VPS13B: variants seen among roughly 807,000 people sequenced by gnomAD.
VPS13B encodes intermembrane lipid transfer protein VPS13B.
A neutral mutation model predicts 426.4 loss-of-function variants in VPS13B; 285 were observed. The observed-to-expected ratio is 0.67, with a 90% confidence interval of 0.61 to 0.74. The LOEUF is 0.74. Ranked by LOEUF, VPS13B falls within the 30% of genes least tolerant of loss-of-function variation. VPS13B has a pLI of 0.00. For missense variants in VPS13B, 4,537 were observed against 4,782.6 expected (o/e 0.95, Z 1.51); for synonymous variants, 1,676 against 1,676.4 (o/e 1.00, Z 0.01).
chr8:99,393,117 A>G (rs555952435), intron 21 of VPS13B, among the ~76,000 whole-genome samples: 25 of 152,246 alleles, frequency 1.6e-4, no homozygotes, highest in African/African-American at 5.1e-4. Flanking sequence ...CATGTAAACC[A>G]TATATTTAAA....
rs537523126 is a variant in VPS13B at position 99,065,261 on chromosome 8, C to T, written c.291+26695C>T. Among the ~76,000 whole-genome samples, 11 of 152,288 alleles carry T rather than the reference C, an allele frequency of 7.2e-5. No individual in the cohort carries two copies. The South Asian group carries it at 1.0e-3, about 14-fold the overall frequency. On this transcript the variant is annotated intron_variant, in intron 3 of 61. Transcript: ENST00000357162. The stretch of plus-strand genomic sequence containing the variant: ...GAATGAACATTGATGCGAAAATCCT[C>T]AGTAAAATACTGGCAAACCAAATCC...
At chr8:99,137,807 C>T (rs1403565243) in intron 12 of VPS13B, among the ~76,000 whole-genome samples, 4 of 152,146 alleles carry the variant, frequency 2.6e-5, no homozygotes, top group African/African-American at 9.7e-5. Context: ...CCAAAGTTCT[C>T]TAAGATTCAG....
chr8:99,542,720 C>T (rs1203403619), intron 30 of VPS13B, among the ~76,000 whole-genome samples: 5 of 152,072 alleles, frequency 3.3e-5, no homozygotes, highest in Admixed American at 1.3e-4. Context: ...GTGCCAAGTA[C>T]ATAGTAAGTG....
chr8:99,345,729 G>A (rs1811501067), intron 19 of VPS13B, among the ~76,000 whole-genome samples: 1 of 152,208 alleles, frequency 6.6e-6, no homozygotes, highest in South Asian at 2.1e-4. Context: ...TAATGAGGCA[G>A]GAGAAAAAGT....
At position 99,054,121 on chromosome 8, in the gene VPS13B, A is replaced by C. The variant is rs992241931; in HGVS notation, c.291+15555A>C. Among the ~76,000 whole-genome samples the C allele has an allele frequency of 3.3e-5, 5 of 152,220 alleles. No homozygotes were observed. The East Asian group carries it at 9.6e-4, about 29-fold the overall frequency. ...TTTCATCTTTTGGTTATTGAGTATAATGCTACAATGAACATGGGTGTGCAA... is the reference window on the plus strand; with the variant it reads ...TTTCATCTTTTGGTTATTGAGTATACTGCTACAATGAACATGGGTGTGCAA... On this transcript the variant is annotated intron_variant, in intron 3 of 61. Coordinates refer to ENST00000357162, the MANE Select transcript of VPS13B (RefSeq NM_152564.5).
chr8:99,719,719 A>G (rs913169372), intron 37 of VPS13B, among the ~76,000 whole-genome samples: 1 of 152,172 alleles, frequency 6.6e-6, no homozygotes, highest in Non-Finnish European at 1.5e-5. Flanking sequence ...GAAAAATAAA[A>G]CTTAATCTCC....
At position 99,113,840 on chromosome 8, in the gene VPS13B, G is replaced by A. The variant is rs1407842014; in HGVS notation, c.763-1860G>A. 2.6e-5 allele frequency among the ~76,000 whole-genome samples: 4 copies of A among 152,176 alleles called. No individual in the cohort carries two copies. The East Asian group carries it at 7.7e-4, about 29-fold the overall frequency. On this transcript the variant is annotated intron_variant, in intron 6 of 61. Coordinates refer to ENST00000357162, the MANE Select transcript of VPS13B (RefSeq NM_152564.5). ...AGCCTCCCAAAGTGCTGGGATTACA[G>A]GCATGAGTCACTGCGCCTGGCCCCT...
intron 17 of VPS13B, among the ~76,000 whole-genome samples, chr8:99,206,228 T>G (rs1713740042): frequency 6.6e-6 from 1 of 152,116 alleles, no homozygotes; most frequent in African/African-American, 2.4e-5. Context: ...AATCTGGTAT[T>G]TGCAGGGAAA....
chr8:99,121,630 C>T (rs1476928040), intron 8 of VPS13B, 185 bp downstream of exon 8: 30 of 1,403,958 alleles, frequency 2.1e-5, no homozygotes, highest in Non-Finnish European at 2.0e-5. Context: ...CTGATCCCTT[C>T]CTGTCTTCTT....
intron 43 of VPS13B, among the ~76,000 whole-genome samples, chr8:99,790,845 G>A (rs1268144461): frequency 6.6e-6 from 1 of 152,140 alleles, no homozygotes; most frequent in African/African-American, 2.4e-5. Context: ...AAACAATATG[G>A]CACAGAAGGA....
rs1829408401 is a variant in VPS13B at position 99,642,445 on chromosome 8, T to C, written c.5855T>C (p.Val1952Ala). The change falls in exon 34 of 62, where the codon GTA becomes GCA. Residue 1952 changes from valine (V) to alanine (A), a missense_variant. By Grantham distance (64) the Val-to-Ala change is moderately conservative (BLOSUM62 0). Transcript: ENST00000357162. ...CACCACAGAAAGCAGCGAGTGGAAG[T>C]ATCCATTTTTGATGCTGTGCTTAAA... The part of the protein sequence containing the change: ...SCHHRKQRVE[V>A]SIFDAVLKGV... 1 of 1,613,964 alleles carries C rather than the reference T, an allele frequency of 6.2e-7. No individual in the cohort carries two copies. Among genetic ancestry groups the C allele is most frequent in the Non-Finnish European group, 8.5e-7 (1 of 1,179,990 alleles).
At chr8:99,407,153 A>G (rs926527290) in intron 21 of VPS13B, among the ~76,000 whole-genome samples, 6 of 152,168 alleles carry the variant, frequency 3.9e-5, no homozygotes, top group South Asian at 2.1e-4. Flanking sequence ...CCTTTTCAGA[A>G]CTGTGAGTAA....
At chr8:99,304,712 A>G (rs1294879415) in intron 19 of VPS13B, among the ~76,000 whole-genome samples, 1 of 152,206 alleles carries the variant, frequency 6.6e-6, no homozygotes, top group Admixed American at 6.5e-5. Flanking sequence ...TAGTATTATC[A>G]GTCAATCCAT....
intron 8 of VPS13B, 122 bp downstream of exon 8, chr8:99,121,567 A>G: frequency 6.7e-7 from 1 of 1,499,456 alleles, no homozygotes; most frequent in Non-Finnish European, 8.9e-7. Context: ...ATAGAGTCTA[A>G]CAGTTCTTAC....
chr8:99,547,949 A>G (rs1244977284), intron 30 of VPS13B, among the ~76,000 whole-genome samples: 1 of 152,092 alleles, frequency 6.6e-6, no homozygotes, highest in African/African-American at 2.4e-5. Context: ...TGAAGTTGAG[A>G]CCAGAAAATT....
rs138422044 is a variant in VPS13B at position 99,069,862 on chromosome 8, A to C, written c.292-26450A>C. 6.6e-5 allele frequency among the ~76,000 whole-genome samples: 10 copies of C among 152,316 alleles called. No homozygotes were observed. In the East Asian group the frequency reaches 1.9e-3, roughly 29 times the overall value. On this transcript the variant is annotated intron_variant, in intron 3 of 61. Transcript: ENST00000357162. Reference sequence around the variant, plus strand: ...AATTCTCTTGCTCCTTTTTCCATGAATTTTTAATTGTTTTAATTAAATTTT... The same window carrying C: ...AATTCTCTTGCTCCTTTTTCCATGACTTTTTAATTGTTTTAATTAAATTTT...
intron 13 of VPS13B, among the ~76,000 whole-genome samples, chr8:99,145,574 G>A (rs1810663169): frequency 8.7e-6 from 1 of 114,322 alleles, no homozygotes; most frequent in Non-Finnish European, 1.9e-5. Context: ...CATACAGTAT[G>A]TAAGCTTTTG....
intron 34 of VPS13B, 61 bp from the exon 35 acceptor site, chr8:99,661,293 A>G: frequency 1.3e-6 from 2 of 1,598,056 alleles, no homozygotes; most frequent in Non-Finnish European, 8.6e-7. Context: ...TCAAACTCAT[A>G]TATCAAAATG....
chr8:99,023,366 T>C (rs1841991651), intron 2 of VPS13B, among the ~76,000 whole-genome samples: 1 of 152,226 alleles, frequency 6.6e-6, no homozygotes, highest in Non-Finnish European at 1.5e-5. Context: ...GCTTGACTTA[T>C]TTCACATAAC....
Sources: allele counts gnomAD v4.1 joint callset (sites outside exome capture counted in the v4.1 genomes callset), GRCh38; gene constraint gnomAD v4.1.1; transcripts MANE v1.5; gene names NCBI Gene and HGNC (gene_info 2026-07-23, HGNC 2026-07-21).